The following KCNIP3 variants were observed in gnomAD, a reference collection of about 807,000 sequenced individuals.
KCNIP3 encodes potassium voltage-gated channel interacting protein 3.
A neutral mutation model predicts 35.0 loss-of-function variants in KCNIP3; 28 were observed. The ratio of observed to expected loss-of-function variants is 0.80; its 90% confidence interval spans 0.59 to 1.10. The LOEUF is 1.10. Among genes scored for constraint, KCNIP3 ranks in the 50% least tolerant of loss-of-function variants. The pLI is 0.00. For missense variants in KCNIP3, 295 were observed against 338.4 expected (o/e 0.87, Z 1.01); for synonymous variants, 134 against 133.8 (o/e 1.00, Z -0.01).
At chr2:95,341,921 G>A (rs1036104168) in intron 2 of KCNIP3, among the ~76,000 whole-genome samples, 12 of 152,220 alleles carry the variant, frequency 7.9e-5, no homozygotes, top group African/African-American at 2.9e-4. Flanking sequence ...TGTTCCCATT[G>A]CAGTAACTGC....
chr2:95,374,762 G>T lies in KCNIP3; in HGVS notation c.307-86G>T, dbSNP rs1558778064. 2 of 1,477,380 alleles carry T rather than the reference G, an allele frequency of 1.4e-6. 1 individual carries two copies. The highest frequency in any genetic ancestry group is 3.6e-4 in the Middle Eastern group (2 of 5,490). The allele number at this position is 1,477,380 out of a possible 1,614,324, so 91.5% of individuals were successfully genotyped here. ...CAGGCAGCAGGCAGCCCCCAAGGGGGTGGAGAGAGGCCAGCCAGGCACCAT... is the reference window on the plus strand; with the variant it reads ...CAGGCAGCAGGCAGCCCCCAAGGGGTTGGAGAGAGGCCAGCCAGGCACCAT... On this transcript the variant is annotated intron_variant, in intron 3 of 8. Transcript: ENST00000295225.
intron 5 of KCNIP3, among the ~76,000 whole-genome samples, chr2:95,380,887 C>T (rs533329924): frequency 2.6e-5 from 4 of 152,244 alleles, no homozygotes; most frequent in South Asian, 2.1e-4. Flanking sequence ...TGGATTATTC[C>T]GAGTGGTCCC....
At chr2:95,381,300 C>T (rs1365701927) in intron 5 of KCNIP3, among the ~76,000 whole-genome samples, 1 of 152,006 alleles carries the variant, frequency 6.6e-6, no homozygotes, top group African/African-American at 2.4e-5. Flanking sequence ...CACAGGTGCA[C>T]ACCCTCACAG....
chr2:95,316,923 G>A (rs1412572327), intron 2 of KCNIP3, among the ~76,000 whole-genome samples: 2 of 152,192 alleles, frequency 1.3e-5, no homozygotes, highest in African/African-American at 4.8e-5. Context: ...GGCTGTTATC[G>A]CCTTTATTTA....
chr2:95,350,827 A>C (rs1679500161), intron 2 of KCNIP3, among the ~76,000 whole-genome samples: 1 of 152,046 alleles, frequency 6.6e-6, no homozygotes, highest in Non-Finnish European at 1.5e-5. Context: ...TCTGGGTGAA[A>C]CCCAGGCACT....
chr2:95,320,350 C>T (rs1678562315), intron 2 of KCNIP3, among the ~76,000 whole-genome samples: 1 of 152,148 alleles, frequency 6.6e-6, no homozygotes, highest in Non-Finnish European at 1.5e-5. Flanking sequence ...TCCAGCCCGG[C>T]ACCCCTTCTT....
At chr2:95,354,374 C>T (rs1351916573) in intron 2 of KCNIP3, among the ~76,000 whole-genome samples, 3 of 152,208 alleles carry the variant, frequency 2.0e-5, no homozygotes, top group Admixed American at 6.5e-5. Flanking sequence ...ATTGGACATG[C>T]GTTTTATGCC....
chr2:95,384,190 A>C lies in KCNIP3; in HGVS notation c.*141A>C. On this transcript the variant is annotated 3_prime_UTR_variant, in exon 9 of 9. Transcript: ENST00000295225. ...TTGCTACACACACACACACACACAC[A>C]CACACACACACACACAGCCATTCAT... The C allele has an allele frequency of 4.6e-6, 3 of 658,908 alleles. No homozygotes were observed. In the Admixed American group the frequency reaches 6.6e-5, roughly 14 times the overall value. The allele number at this position is 658,908 out of a possible 1,614,324, so 40.8% of individuals were successfully genotyped here.
chr2:95,301,318 G>A (rs746770120), intron 1 of KCNIP3, among the ~76,000 whole-genome samples: 1 of 152,240 alleles, frequency 6.6e-6, no homozygotes, highest in Non-Finnish European at 1.5e-5. Flanking sequence ...ATGTCCATGG[G>A]TCTTGCGCAG....
At chr2:95,358,588 T>A (rs1010072395) in intron 2 of KCNIP3, among the ~76,000 whole-genome samples, 1 of 152,224 alleles carries the variant, frequency 6.6e-6, no homozygotes, top group African/African-American at 2.4e-5. Context: ...GAATGGGTAA[T>A]TCTATTGTAC....
chr2:95,375,238 C>T (rs1365056987), intron 5 of KCNIP3, 30 bp downstream of exon 5: 2 of 1,600,636 alleles, frequency 1.2e-6, no homozygotes, highest in Admixed American at 1.7e-5. Flanking sequence ...TCCCACGTGT[C>T]CTGCCCCTGT....
intron 2 of KCNIP3, among the ~76,000 whole-genome samples, chr2:95,360,321 C>G (rs907212759): frequency 7.2e-5 from 11 of 152,180 alleles, no homozygotes; most frequent in Non-Finnish European, 1.6e-4. Context: ...TTCCTCAATT[C>G]CCTCTGAGAC....
intron 2 of KCNIP3, among the ~76,000 whole-genome samples, chr2:95,342,195 G>A (rs967524704): frequency 6.6e-6 from 1 of 152,148 alleles, no homozygotes; most frequent in African/African-American, 2.4e-5. Context: ...CGGCCATGGG[G>A]GGCAAGGTTG....
At chr2:95,310,310 C>A (rs148380256) in intron 1 of KCNIP3, 45 bp from the exon 2 acceptor site, 135 of 1,611,944 alleles carry the variant, frequency 8.4e-5, no homozygotes, top group Middle Eastern at 1.7e-4. Flanking sequence ...AGGGGTCCCC[C>A]CTCTGAGCAG....
chr2:95,329,712 C>G (rs1678879352), intron 2 of KCNIP3, among the ~76,000 whole-genome samples: 1 of 152,230 alleles, frequency 6.6e-6, no homozygotes, highest in Non-Finnish European at 1.5e-5. Context: ...GGGCATGGAC[C>G]CCTGCGTCAG....
At chr2:95,358,982 T>A (rs566081827) in intron 2 of KCNIP3, among the ~76,000 whole-genome samples, 45 of 147,906 alleles carry the variant, frequency 3.0e-4, no homozygotes, top group Admixed American at 4.0e-4. Flanking sequence ...ACCAAACAAA[T>A]TTTTTTTTTT....
At position 95,385,558 on chromosome 2, in the gene KCNIP3, C is replaced by G. The variant is rs115884085; in HGVS notation, c.*1509C>G. ...ACATTCCATCACAGCCAGCCCAGCT[C>G]CACTCAGGGCTGGCCCGGGGAGTCC... is the stretch of plus-strand genomic sequence containing the variant. On this transcript the variant is annotated 3_prime_UTR_variant, in exon 9 of 9. Transcript: ENST00000295225. The G allele has an allele frequency of 6.5e-6, 1 of 152,752 alleles. No homozygotes were observed. The highest frequency in any genetic ancestry group is 2.4e-5 in the African/African-American group (1 of 41,470). 9.5% of individuals were successfully genotyped at this position (152,752 alleles called of 1,614,324 possible).
chr2:95,383,126 C>CAAA, intron 7 of KCNIP3, 106 bp from the exon 8 acceptor site: 3 of 431,870 alleles, frequency 6.9e-6, no homozygotes, highest in Non-Finnish European at 1.3e-5. Flanking sequence ...CCCGCCCATC[C>CAAA]ACCCACCCGC....
chr2:95,324,286 C>T (rs1487851370), intron 2 of KCNIP3, among the ~76,000 whole-genome samples: 2 of 152,032 alleles, frequency 1.3e-5, no homozygotes, highest in Non-Finnish European at 2.9e-5. Flanking sequence ...CCGAGGCAGG[C>T]GGATCACGAG....
Sources: gnomAD v4.1 joint callset for allele counts (sites outside exome capture counted in the v4.1 genomes callset) on GRCh38, gnomAD v4.1.1 for gene constraint, MANE v1.5 for transcripts, NCBI Gene and HGNC (gene_info 2026-07-23, HGNC 2026-07-21) for gene names.